Variants in CYLC2 observed in about 807,000 individuals in gnomAD.
The protein encoded by CYLC2 is cylicin 2.
In CYLC2, 30 loss-of-function variants were observed where a neutral mutation model predicts 26.1. That is an observed-to-expected ratio of 1.15 (90% CI 0.86 to 1.56). CYLC2 has a LOEUF of 1.56. CYLC2 is among the 40% of genes most tolerant of loss of function. The pLI is 0.00. For missense variants in CYLC2, 498 were observed against 394.4 expected (o/e 1.26, Z -2.23); for synonymous variants, 158 against 132.8 (o/e 1.19, Z -1.31).
At chr9:103,014,549 T>C (rs148904058) in intron 6 of CYLC2, among the ~76,000 whole-genome samples, 30,342 of 103,194 alleles carry the variant, frequency 0.29, 7,056 homozygotes, top group South Asian at 0.5. Flanking sequence ...ATGTATATTA[T>C]GCAGTATACA....
Position 103,005,591 on chromosome 9 carries a change from G to A in CYLC2, c.960G>A (p.Lys320=), listed in dbSNP as rs964182319. The change falls in exon 5 of 8, where the codon AAG becomes AAA. Residue 320 remains lysine (K), a synonymous_variant. Transcript: ENST00000374798. ...KESADSKKDA[K]KNAKKDAKKD... Reference sequence around the variant, plus strand: ...CTGCTGATTCAAAGAAGGATGCAAAGAAAAATGCTAAGAAGGATGCAAAGA... The same window carrying A: ...CTGCTGATTCAAAGAAGGATGCAAAAAAAAATGCTAAGAAGGATGCAAAGA... The A allele has an allele frequency of 1.2e-6, 2 of 1,610,216 alleles. No individual in the cohort carries two copies. Among genetic ancestry groups the A allele is most frequent in the Non-Finnish European group, 1.7e-6 (2 of 1,177,662 alleles).
intron 1 of CYLC2, among the ~76,000 whole-genome samples, chr9:102,998,187 T>C (rs1829255821): frequency 6.6e-6 from 1 of 151,970 alleles, no homozygotes; most frequent in Admixed American, 6.6e-5. Flanking sequence ...TCCTTATATA[T>C]AACCAGACAC....
At position 103,004,777 on chromosome 9, in the gene CYLC2, C is replaced by G. The variant is rs1009137314; in HGVS notation, c.263C>G (p.Pro88Arg). The change falls in exon 4 of 8, where the codon CCA becomes CGA. Residue 88 changes from proline (P) to arginine (R), a missense_variant. By Grantham distance (103) the Pro-to-Arg change is moderately radical. Coordinates refer to ENST00000374798, the MANE Select transcript of CYLC2 (RefSeq NM_001340.5). ...YRSLMRISER[P>R]SVYLAARRQP... Reference sequence around the variant, plus strand: ...TCTTTAATGAGAATTTCTGAGAGACCATCTGTTTATTTAGCTGCCAGGAGG... The same window carrying G: ...TCTTTAATGAGAATTTCTGAGAGACGATCTGTTTATTTAGCTGCCAGGAGG... 5 of 1,612,166 alleles carry G rather than the reference C, an allele frequency of 3.1e-6. No individual in the cohort carries two copies. Among genetic ancestry groups the G allele is most frequent in the Non-Finnish European group, 4.2e-6 (5 of 1,179,094 alleles).
chr9:103,009,776 A>T (rs1829386851), intron 5 of CYLC2, among the ~76,000 whole-genome samples: 1 of 151,886 alleles, frequency 6.6e-6, no homozygotes, highest in African/African-American at 2.4e-5. Context: ...AGTTTGTTTT[A>T]ATTTTTAGAT....
rs760768001 is a variant in CYLC2, at chr9:103,005,336, A to T, written c.705A>T (p.Gln235His). ...KKGKDSAIEL[Q>H]AVKADEKKDE... Reference sequence around the variant, plus strand: ...GCAAGGATTCAGCCATAGAATTACAAGCTGTAAAAGCAGATGAAAAGAAGG... The same window carrying T: ...GCAAGGATTCAGCCATAGAATTACATGCTGTAAAAGCAGATGAAAAGAAGG... Residue 235 changes from glutamine (Q) to histidine (H), a missense_variant, in exon 5 of 8, where the codon CAA becomes CAT. Coordinates refer to ENST00000374798, the MANE Select transcript of CYLC2 (RefSeq NM_001340.5). 6.2e-7 allele frequency: 1 copy of T among 1,613,962 alleles called. No individual in the cohort carries two copies. Among genetic ancestry groups the T allele is most frequent in the Non-Finnish European group, 8.5e-7 (1 of 1,179,968 alleles).
intron 6 of CYLC2, among the ~76,000 whole-genome samples, chr9:103,014,715 ATACATAT>A: frequency 8.6e-6 from 1 of 116,154 alleles, no homozygotes; most frequent in South Asian, 3.1e-4. Context: ...ATTATGCAAT[ATACATAT>A]GTAATATACG....
In CYLC2 at chr9:102,998,689, T is replaced by C. The variant is rs796272483; in HGVS notation, c.18-2889T>C. Among the ~76,000 whole-genome samples, 32 of 152,090 alleles carry C rather than the reference T, an allele frequency of 2.1e-4. 1 individual carries two copies. The highest frequency in any genetic ancestry group is 7.2e-4 in the African/African-American group (30 of 41,554). Reference sequence around the variant, plus strand: ...AGGTTAAAATGTATTGAACTGTCACTAACTCTAATCTCATAAACACTAAGA... The same window carrying C: ...AGGTTAAAATGTATTGAACTGTCACCAACTCTAATCTCATAAACACTAAGA... On this transcript the variant is annotated intron_variant, in intron 1 of 7. Coordinates refer to ENST00000374798, the MANE Select transcript of CYLC2 (RefSeq NM_001340.5).
At chr9:103,013,653 T>C (rs1400463844) in intron 6 of CYLC2, among the ~76,000 whole-genome samples, 3 of 111,774 alleles carry the variant, frequency 2.7e-5, no homozygotes, top group Non-Finnish European at 4.9e-5. Flanking sequence ...TATAAAAATA[T>C]AAATATATTA....
At chr9:103,015,037 TATAC>T (rs1396204766) in intron 6 of CYLC2, among the ~76,000 whole-genome samples, 1 of 123,780 alleles carries the variant, frequency 8.1e-6, no homozygotes, top group Non-Finnish European at 1.7e-5. Context: ...ATACATGTGA[TATAC>T]ATAATTTGTA....
chr9:103,012,718 C>T (rs1034537847), intron 6 of CYLC2, among the ~76,000 whole-genome samples: 1 of 151,748 alleles, frequency 6.6e-6, no homozygotes, highest in Non-Finnish European at 1.5e-5. Flanking sequence ...CAGAAACGTA[C>T]TCCAGGTGTT....
At chr9:103,009,223 G>A (rs931930396) in intron 5 of CYLC2, among the ~76,000 whole-genome samples, 6 of 151,782 alleles carry the variant, frequency 4.0e-5, no homozygotes, top group African/African-American at 9.7e-5. Flanking sequence ...TTTATTTTTT[G>A]ACACAGTGTC....
intron 1 of CYLC2, among the ~76,000 whole-genome samples, chr9:102,997,374 A>G (rs1344526001): frequency 6.6e-6 from 1 of 152,092 alleles, no homozygotes; most frequent in African/African-American, 2.4e-5. Context: ...TCTCTGGGTG[A>G]GGAGTTCGAA....
chr9:103,011,947 CTTTTTTTTTTTTTTT>C lies in CYLC2; in HGVS notation c.*701-22_*701-8del, dbSNP rs776460013. The stretch of plus-strand genomic sequence containing the variant: ...AACTTGCTAATACTTAGATCATTCT[CTTTTTTTTTTTTTTT>C]TTTTTTTTTTTTGATCGAGTCTCGC... On this transcript the variant is annotated intron_variant, in intron 5 of 7. Coordinates refer to ENST00000374798, the MANE Select transcript of CYLC2 (RefSeq NM_001340.5). 3 of 64,080 alleles carry C rather than the reference CTTTTTTTTTTTTTTT, an allele frequency of 4.7e-5. No homozygotes were observed. Among genetic ancestry groups the C allele is most frequent in the South Asian group, 1.4e-3 (2 of 1,448 alleles). 4.0% of individuals were successfully genotyped at this position (64,080 alleles called of 1,614,324 possible).
chr9:103,018,238 C>G (rs942280525), intron 7 of CYLC2, 87 bp from the exon 8 acceptor site: 1 of 152,018 alleles, frequency 6.6e-6, no homozygotes, highest in Non-Finnish European at 1.5e-5. Flanking sequence ...TTCAGACCTT[C>G]AGCATTTGGT....
In CYLC2 at chr9:103,005,203, A is replaced by G. The variant is rs1364955803; in HGVS notation, c.572A>G (p.Lys191Arg). 1.9e-6 allele frequency: 3 copies of G among 1,607,984 alleles called. No individual in the cohort carries two copies. Among genetic ancestry groups the G allele is most frequent in the Non-Finnish European group, 2.5e-6 (3 of 1,178,502 alleles). ...EKGGAKKDNKKDKKDSNKGKD... is the reference protein window; with the variant it reads ...EKGGAKKDNKRDKKDSNKGKD... Reference sequence around the variant, plus strand: ...GGAGGTGCAAAGAAAGATAACAAAAAAGATAAAAAGGATTCAAACAAAGGC... The same window carrying G: ...GGAGGTGCAAAGAAAGATAACAAAAGAGATAAAAAGGATTCAAACAAAGGC... Residue 191 changes from lysine to arginine, a missense_variant, in exon 5 of 8, where the codon AAA becomes AGA. Transcript: ENST00000374798.
intron 6 of CYLC2, among the ~76,000 whole-genome samples, chr9:103,015,138 A>T: frequency 2.6e-5 from 1 of 38,388 alleles, no homozygotes; most frequent in African/African-American, 9.2e-5. Flanking sequence ...GATATACATA[A>T]CATGTATATC....
chr9:103,007,560 G>T (rs1483866885), intron 5 of CYLC2, among the ~76,000 whole-genome samples: 1 of 152,096 alleles, frequency 6.6e-6, no homozygotes, highest in African/African-American at 2.4e-5. Context: ...GTAAAACTCT[G>T]TATTAAACTC....
Position 103,005,276 on chromosome 9 carries a change from A to G in CYLC2, c.645A>G (p.Lys215=), listed in dbSNP as rs758181364. 1.9e-6 allele frequency: 3 copies of G among 1,613,794 alleles called. No individual in the cohort carries two copies. The highest frequency in any genetic ancestry group is 2.5e-6 in the Non-Finnish European group (3 of 1,179,938). Residue 215 remains lysine, a synonymous_variant, in exon 5 of 8, where the codon AAA becomes AAG. Coordinates refer to ENST00000374798, the MANE Select transcript of CYLC2 (RefSeq NM_001340.5). ...AAGGTGAAAAAGGAGGTACAGAGAA[A>G]GATAGCAAAAAAGGTAAAAAGGATT... ...ESEGEKGGTE[K]DSKKGKKDSK...
chr9:103,013,159 A>ATATTATATAAATATATATTTAATG (rs1829428559), intron 6 of CYLC2, among the ~76,000 whole-genome samples: 1 of 136,106 alleles, frequency 7.3e-6, no homozygotes, highest in Admixed American at 8.2e-5. Context: ...ATATAAATAT[A>ATATTATATAAATATATATTTAATG]TATTATATAA....
Sources: allele counts gnomAD v4.1 joint callset (sites outside exome capture counted in the v4.1 genomes callset), GRCh38; gene constraint gnomAD v4.1.1; transcripts MANE v1.5; gene names NCBI Gene and HGNC (gene_info 2026-07-23, HGNC 2026-07-21).